NRAP: variants seen among roughly 807,000 people sequenced by gnomAD.
NRAP encodes nebulin-related-anchoring protein.
In NRAP, 189 loss-of-function variants were observed where a neutral mutation model predicts 225.9. The ratio of observed to expected loss-of-function variants is 0.84; its 90% CI spans 0.74 to 0.94. The LOEUF is 0.94. Ranked by LOEUF, NRAP falls within the 40% of genes least tolerant of loss-of-function variation. NRAP has a pLI of 0.00. For synonymous variants in NRAP, 769 were observed against 790.7 expected (o/e 0.97, Z 0.46); for missense variants, 2,176 against 2,168.7 (o/e 1.00, Z -0.07).
chr10:113,638,637 T>C (rs1198739595), intron 14 of NRAP, among the ~76,000 whole-genome samples: 1 of 152,120 alleles, frequency 6.6e-6, no homozygotes, highest in African/African-American at 2.4e-5. Flanking sequence ...TCCCAGCCAA[T>C]TGCTGCCTTG....
chr10:113,653,671 T>A (rs1253278499), intron 5 of NRAP, among the ~76,000 whole-genome samples: 2 of 152,196 alleles, frequency 1.3e-5, no homozygotes, highest in African/African-American at 4.8e-5. Flanking sequence ...CTTCCCTATG[T>A]GAAAGCCTGC....
At chr10:113,597,385 T>C (rs1045222737) in intron 36 of NRAP, among the ~76,000 whole-genome samples, 3 of 152,162 alleles carry the variant, frequency 2.0e-5, no homozygotes, top group Non-Finnish European at 4.4e-5. Context: ...TTTACAGGTA[T>C]TTACTCTCTT....
rs181809428 is a variant in NRAP at position 113,622,070 on chromosome 10, A to T, written c.2568T>A (p.Ser856Arg). ...CGAATCCCTTCTTGTACTCCAGCTC[A>T]CTCTGCAGCTTGGACATTTGCAGTG... The part of the protein sequence containing the change: ...SHSLQMSKLQ[S>R]ELEYKKGFED... Residue 856 changes from serine to arginine, a missense_variant, in exon 24 of 42, where the codon AGT becomes AGA. By Grantham distance (110) the Ser-to-Arg change is moderately radical. Transcript: ENST00000359988. 1.1e-5 allele frequency: 18 copies of T among 1,614,144 alleles called. 1 individual carries two copies. The African/African-American group carries it at 2.3e-4, about 20-fold the overall frequency.
At position 113,590,885 on chromosome 10, in the gene NRAP, C is replaced by T. The variant is rs762344100; in HGVS notation, c.4649G>A (p.Arg1550Gln). Residue 1550 changes from arginine to glutamine, a missense_variant, in exon 40 of 42, where the codon CGG becomes CAG. Physicochemically the swap from Arg to Gln is conservative, Grantham distance 43 (BLOSUM62 1). This residue lies in a region of NRAP where 445 missense variants were observed against 426.1 expected (regional missense o/e 1.04). Coordinates refer to ENST00000359988, the MANE Select transcript of NRAP (RefSeq NM_198060.4). ...RASREIASDF[R>Q]YKEAFLRDRG... ...GTCCCGCAGGAAAGCCTCTTTGTAC[C>T]GGAACTGCAAGTCAGAGGAGCAGAG... 43 of 1,613,096 alleles carry T rather than the reference C, an allele frequency of 2.7e-5. No homozygotes were observed. The highest frequency in any genetic ancestry group is 8.3e-5 in the Admixed American group (5 of 59,998).
intron 37 of NRAP, among the ~76,000 whole-genome samples, chr10:113,596,649 A>C (rs1161801684): frequency 6.6e-6 from 1 of 152,212 alleles, no homozygotes; most frequent in African/African-American, 2.4e-5. Context: ...TCTATCAACA[A>C]GCAACATGTA....
chr10:113,631,389 G>T (rs1848567789), intron 18 of NRAP, 120 bp downstream of exon 18: 2 of 631,800 alleles, frequency 3.2e-6, no homozygotes, highest in Non-Finnish European at 5.6e-6. Flanking sequence ...AGCCAGGAAA[G>T]AAAGGAGTTG....
intron 10 of NRAP, among the ~76,000 whole-genome samples, chr10:113,646,333 GGGTAATA>G (rs1197620298): frequency 1.3e-5 from 2 of 152,136 alleles, no homozygotes; most frequent in Non-Finnish European, 2.9e-5. Flanking sequence ...ATGGGTCAAT[GGGTAATA>G]GGTGAATAGT....
At position 113,647,022 on chromosome 10, in the gene NRAP, G is replaced by A. The variant is rs1318650229; in HGVS notation, c.894C>T (p.Tyr298=). ...CCCTGTGCTCCTCATACTCCTCCGG[G>A]TAACCCTGCCGGGTGCATCAAAAAC... ...RECADQYGQG[Y]PEEYEEHRGK... The change falls in exon 10 of 42, where the codon TAC becomes TAT. Residue 298 remains tyrosine (Y), a synonymous_variant. Coordinates refer to ENST00000359988, the MANE Select transcript of NRAP (RefSeq NM_198060.4). 1 of 1,612,486 alleles carries A rather than the reference G, an allele frequency of 6.2e-7. No homozygotes were observed. The highest frequency in any genetic ancestry group is 8.5e-7 in the Non-Finnish European group (1 of 1,178,564).
At chr10:113,662,805 T>G in intron 2 of NRAP, 39 bp from the exon 3 acceptor site, 1 of 1,006,692 alleles carries the variant, frequency 9.9e-7, no homozygotes, top group Non-Finnish European at 1.5e-6. Flanking sequence ...AGAAATGTAC[T>G]TTATCCAAAT....
rs773556223 is a variant in NRAP, at chr10:113,606,170, G to A, written c.3807+8C>T. 1 of 1,604,228 alleles carries A rather than the reference G, an allele frequency of 6.2e-7. No homozygotes were observed. The highest frequency in any genetic ancestry group is 8.5e-7 in the Non-Finnish European group (1 of 1,170,924). ...GCATGCTTGAACTTAAGTAACAAAA[G>A]GGCTTACGTCACTCAGGTTGGCTGC... On this transcript the variant is annotated splice_region_variant and intron_variant, in intron 33 of 41. Coordinates refer to ENST00000359988, the MANE Select transcript of NRAP (RefSeq NM_198060.4).
intron 12 of NRAP, 55 bp downstream of exon 12, chr10:113,642,879 T>C: frequency 1.1e-6 from 1 of 926,030 alleles, no homozygotes. Context: ...TTAGGAGACC[T>C]AAAGACTAAG....
intron 29 of NRAP, 132 bp downstream of exon 29, chr10:113,614,051 A>T: frequency 1.5e-6 from 1 of 681,952 alleles, no homozygotes; most frequent in Non-Finnish European, 2.7e-6. Context: ...CAAGTGATTT[A>T]ACAATGTCAC....
chr10:113,640,552 T>A (rs1849143658), intron 13 of NRAP, among the ~76,000 whole-genome samples: 1 of 152,362 alleles, frequency 6.6e-6, no homozygotes, highest in Middle Eastern at 3.4e-3. Flanking sequence ...CACATTTACT[T>A]TATATTTCAT....
chr10:113,663,100 A>G (rs1014454292), intron 2 of NRAP, among the ~76,000 whole-genome samples: 2 of 152,230 alleles, frequency 1.3e-5, no homozygotes, highest in African/African-American at 4.8e-5. Context: ...ATTGTTCTGC[A>G]CAGTATTTAA....
At chr10:113,597,662 T>C (rs1450394209) in intron 36 of NRAP, among the ~76,000 whole-genome samples, 1 of 152,136 alleles carries the variant, frequency 6.6e-6, no homozygotes, top group Non-Finnish European at 1.5e-5. Context: ...CAGAGTCAAC[T>C]CAGTAGATGG....
At chr10:113,626,247 G>A in intron 20 of NRAP, 102 bp from the exon 21 acceptor site, 2 of 742,958 alleles carry the variant, frequency 2.7e-6, no homozygotes, top group Non-Finnish European at 4.4e-6. Context: ...TGTGGTCCAA[G>A]CATTTCCTTG....
chr10:113,594,604 A>G (rs998443028), intron 38 of NRAP, among the ~76,000 whole-genome samples: 2 of 152,202 alleles, frequency 1.3e-5, no homozygotes, highest in Non-Finnish European at 2.9e-5. Flanking sequence ...CCCCAGATGG[A>G]GGTCAGCCCA....
At chr10:113,632,711 T>C (rs1160960322) in intron 16 of NRAP, among the ~76,000 whole-genome samples, 3 of 152,206 alleles carry the variant, frequency 2.0e-5, no homozygotes, top group Non-Finnish European at 1.5e-5. Context: ...TAGAAGCCAA[T>C]TCATAGCCCA....
At position 113,651,899 on chromosome 10, in the gene NRAP, A is replaced by G. The variant is rs1211713361; in HGVS notation, c.579T>C (p.Tyr193=). Residue 193 remains tyrosine, a synonymous_variant, in exon 7 of 42, where the codon TAT becomes TAC. Transcript: ENST00000359988. Reference sequence around the variant, plus strand: ...AGATGCGTTCATCATGCCCTCTCTTATACTCCACCTGATGAGAAGACAGTA... The same window carrying G: ...AGATGCGTTCATCATGCCCTCTCTTGTACTCCACCTGATGAGAAGACAGTA... ...KANQLASQVE[Y]KRGHDERISR... The G allele has an allele frequency of 6.2e-7, 1 of 1,608,186 alleles. No individual in the cohort carries two copies. The highest frequency in any genetic ancestry group is 8.5e-7 in the Non-Finnish European group (1 of 1,174,760).
Sources: gnomAD v4.1 joint callset for allele counts (sites outside exome capture counted in the v4.1 genomes callset) on GRCh38, gnomAD v4.1.1 for gene constraint, gnomAD v4.1.1 regional missense constraint, MANE v1.5 for transcripts, NCBI Gene and HGNC (gene_info 2026-07-23, HGNC 2026-07-21) for gene names.